Variants in CHST11 observed in about 807,000 individuals in gnomAD.
CHST11 encodes C4S-1.
Under a neutral mutation model 30.4 loss-of-function variants are expected in CHST11, and 9 were observed. The ratio of observed to expected loss-of-function variants is 0.30; its 90% CI spans 0.18 to 0.52. CHST11 has a LOEUF of 0.52. CHST11 is among the 20% of genes least tolerant of loss of function. The pLI is 0.97. For synonymous variants in CHST11, 152 were observed against 187.8 expected (o/e 0.81, Z 1.56); for missense variants, 348 against 460.6 (o/e 0.76, Z 2.24).
intron 1 of CHST11, among the ~76,000 whole-genome samples, chr12:104,517,906 GCATGT>G (rs1381208178): frequency 1.3e-5 from 2 of 152,132 alleles, no homozygotes; most frequent in Admixed American, 1.3e-4. Flanking sequence ...AATACCTACT[GCATGT>G]CAGTGCCTTT....
intron 1 of CHST11, among the ~76,000 whole-genome samples, chr12:104,594,491 G>A (rs538871510): frequency 1.3e-5 from 2 of 152,306 alleles, no homozygotes; most frequent in South Asian, 4.1e-4. Context: ...ATTGAACCAT[G>A]TCTAAGCCAA....
intron 1 of CHST11, among the ~76,000 whole-genome samples, chr12:104,581,153 G>C (rs1305830607): frequency 6.6e-6 from 1 of 152,114 alleles, no homozygotes; most frequent in Non-Finnish European, 1.5e-5. Flanking sequence ...TCTGATAAAT[G>C]GATGCTTCTT....
rs996312163 is a variant in CHST11 at position 104,600,511 on chromosome 12, A to G, written c.119-1395A>G. Reference sequence around the variant, plus strand: ...AGGCACAGTTTTAAGCATTCTGCACATAGTAGTTACTCATTTAATCTTCAC... The same window carrying G: ...AGGCACAGTTTTAAGCATTCTGCACGTAGTAGTTACTCATTTAATCTTCAC... On this transcript the variant is annotated intron_variant, in intron 1 of 2. Transcript: ENST00000303694. This position sits in a 1 kb window ranked among gnomAD's most constrained non-coding sequence, Gnocchi z 4.1. 1.3e-5 allele frequency among the ~76,000 whole-genome samples: 2 copies of G among 152,236 alleles called. No homozygotes were observed. The highest frequency in any genetic ancestry group is 2.9e-5 in the Non-Finnish European group (2 of 68,040).
At chr12:104,513,139 T>TGGGGGGGGGGGGGGGGGGGGGG (rs1565969846) in intron 1 of CHST11, among the ~76,000 whole-genome samples, 6 of 2,930 alleles carry the variant, frequency 2.0e-3, no homozygotes, top group Admixed American at 3.8e-3. Context: ...GGGGGGGGGT[T>TGGGGGGGGGGGGGGGGGGGGGG]GGGGGTGGGG....
intron 1 of CHST11, among the ~76,000 whole-genome samples, chr12:104,589,400 CAAA>C (rs35359633): frequency 0.03 from 3,763 of 124,326 alleles, 159 homozygotes; most frequent in African/African-American, 0.1. Context: ...GATCTTGTCT[CAAA>C]AAAAAAAAAA....
intron 2 of CHST11, among the ~76,000 whole-genome samples, chr12:104,694,082 A>G (rs2039922727): frequency 6.6e-6 from 1 of 152,292 alleles, no homozygotes; most frequent in African/African-American, 2.4e-5. Flanking sequence ...TGGCCCGCAC[A>G]TTTATCTCAA....
chr12:104,630,151 A>G (rs1830722717), intron 2 of CHST11, among the ~76,000 whole-genome samples: 1 of 152,196 alleles, frequency 6.6e-6, no homozygotes, highest in Non-Finnish European at 1.5e-5. Flanking sequence ...GTAATATAAC[A>G]TAACCGTGAA....
At chr12:104,564,563 A>G (rs1035135859) in intron 1 of CHST11, among the ~76,000 whole-genome samples, 2 of 152,154 alleles carry the variant, frequency 1.3e-5, no homozygotes, top group Non-Finnish European at 2.9e-5. Flanking sequence ...GTGTTATGAT[A>G]TTATTCCTGT....
intron 2 of CHST11, among the ~76,000 whole-genome samples, chr12:104,747,749 T>G (rs985731978): frequency 6.6e-6 from 1 of 152,208 alleles, no homozygotes; most frequent in Non-Finnish European, 1.5e-5. Context: ...AGTCACTTAA[T>G]GCTTCCAAAT....
intron 2 of CHST11, among the ~76,000 whole-genome samples, chr12:104,623,125 T>C (rs758169239): frequency 3.9e-5 from 6 of 152,248 alleles, no homozygotes; most frequent in Non-Finnish European, 8.8e-5. Context: ...TGTAAATGAA[T>C]GGGCGTGGCC....
chr12:104,734,835 C>T (rs1467328204), intron 2 of CHST11, among the ~76,000 whole-genome samples: 2 of 152,142 alleles, frequency 1.3e-5, no homozygotes, highest in Non-Finnish European at 2.9e-5. Context: ...TATGGAGATC[C>T]AGAGGAGGAG....
At chr12:104,494,330 C>G (rs1157746918) in intron 1 of CHST11, among the ~76,000 whole-genome samples, 1 of 152,196 alleles carries the variant, frequency 6.6e-6, no homozygotes, top group Non-Finnish European at 1.5e-5. Flanking sequence ...CTCTTAGTGT[C>G]TATAGCCCGT....
chr12:104,577,546 C>T (rs75286092), intron 1 of CHST11, among the ~76,000 whole-genome samples: 1 of 151,744 alleles, frequency 6.6e-6, no homozygotes, highest in African/African-American at 2.4e-5. Flanking sequence ...AACTTAACTT[C>T]AGTCTGTAAT....
At chr12:104,751,776 C>G (rs968818222) in intron 2 of CHST11, among the ~76,000 whole-genome samples, 2 of 152,198 alleles carry the variant, frequency 1.3e-5, no homozygotes, top group African/African-American at 4.8e-5. Flanking sequence ...GGTACTATCC[C>G]CATTTTGCAA....
intron 2 of CHST11, among the ~76,000 whole-genome samples, chr12:104,672,586 G>A (rs2039706426): frequency 6.6e-6 from 1 of 152,236 alleles, no homozygotes; most frequent in African/African-American, 2.4e-5. Flanking sequence ...TAGAACATGT[G>A]AGGATGGTTG....
At chr12:104,517,004 C>T (rs1433593697) in intron 1 of CHST11, among the ~76,000 whole-genome samples, 1 of 152,038 alleles carries the variant, frequency 6.6e-6, no homozygotes, top group East Asian at 1.9e-4. Flanking sequence ...TTCTTATGTG[C>T]TCTAAGCTCT....
chr12:104,677,266 TA>T (rs1158057941), intron 2 of CHST11, among the ~76,000 whole-genome samples: 2 of 152,146 alleles, frequency 1.3e-5, no homozygotes, highest in African/African-American at 4.8e-5. Flanking sequence ...ACAAAAGTCT[TA>T]GCATGCAGGT....
chr12:104,615,977 T>C (rs1355085000), intron 2 of CHST11, among the ~76,000 whole-genome samples: 1 of 152,130 alleles, frequency 6.6e-6, no homozygotes, highest in African/African-American at 2.4e-5. Context: ...TTATTCTCTT[T>C]TGTGAGAATT....
At chr12:104,560,917 G>A (rs1411491403) in intron 1 of CHST11, among the ~76,000 whole-genome samples, 1 of 152,200 alleles carries the variant, frequency 6.6e-6, no homozygotes, top group Non-Finnish European at 1.5e-5. Context: ...GCTGTGGTCA[G>A]CCATGTCTTC....
Sources: allele counts gnomAD v4.1 joint callset (sites outside exome capture counted in the v4.1 genomes callset), GRCh38; gene constraint gnomAD v4.1.1; non-coding constraint Gnocchi (gnomAD v3.1); transcripts MANE v1.5; gene names NCBI Gene and HGNC (gene_info 2026-07-23, HGNC 2026-07-21).